The following BUB3 variants were observed in gnomAD, a reference collection of about 807,000 sequenced individuals.
BUB3 encodes mitotic checkpoint protein BUB3.
A neutral mutation model predicts 39.9 loss-of-function variants in BUB3; 22 were observed. That is an observed-to-expected ratio of 0.55 (90% CI 0.39 to 0.79). The LOEUF (loss-of-function observed/expected upper bound fraction) is 0.79, where lower values mean the gene tolerates loss of function less well. BUB3 is among the 30% of genes least tolerant of loss of function. The probability of loss-of-function intolerance (pLI) is 0.00; values close to 1 mark genes in which losing one functional copy is unlikely to be tolerated. For synonymous variants in BUB3, 168 were observed against 155.1 expected (o/e 1.08, Z -0.62); for missense variants, 303 against 415.4 (o/e 0.73, Z 2.35).
rs1428766142 is a variant in BUB3 at position 123,169,085 on chromosome 10, CAT to C, written c.*5251_*5252del. 2.0e-5 allele frequency: 3 copies of C among 152,392 alleles called. No homozygotes were observed. The highest frequency in any genetic ancestry group is 7.2e-5 in the African/African-American group (3 of 41,586). 9.4% of individuals were successfully genotyped at this position (152,392 alleles called of 1,614,324 possible). ...ACTTCAAATTTGCACCCCCAGGTAT[CAT>C]GTGGGCAGGTGCTCCATGTGGCTGG... On this transcript the variant is annotated 3_prime_UTR_variant, in exon 8 of 8. Transcript: ENST00000368865.
Position 123,164,642 on chromosome 10 carries a change from A to G in BUB3, c.*807A>G. The G allele has an allele frequency of 1.0e-6, 1 of 994,520 alleles. No homozygotes were observed. Among genetic ancestry groups the G allele is most frequent in the Non-Finnish European group, 1.2e-6 (1 of 835,900 alleles). The allele number at this position is 994,520 out of a possible 1,614,324, so 61.6% of individuals were successfully genotyped here. ...TTGGACCTGTTTCTATCTCTAAATG[A>G]ATTTTTGGAAACATTAATGAGGTTT... On this transcript the variant is annotated 3_prime_UTR_variant, in exon 8 of 8. Coordinates refer to ENST00000368865, the MANE Select transcript of BUB3 (RefSeq NM_004725.4).
chr10:123,162,370 C>G lies in BUB3; in HGVS notation c.711C>G (p.Val237=), dbSNP rs746083213. 1 of 1,613,978 alleles carries G rather than the reference C, an allele frequency of 6.2e-7. No individual in the cohort carries two copies. The highest frequency in any genetic ancestry group is 8.5e-7 in the Non-Finnish European group (1 of 1,180,014). The change falls in exon 6 of 8, where the codon GTC becomes GTG. Residue 237 remains valine, a synonymous_variant. Transcript: ENST00000368865. ...KENNIEQIYP[V]NAISFHNIHN... is the part of the protein sequence containing the mutation. ...ATAATATTGAGCAGATTTACCCAGT[C>G]AATGCCATTTCTTTTCACAATATCC...
In BUB3 at chr10:123,167,913, T is replaced by C. The variant is rs1844509886; in HGVS notation, c.*4078T>C. 6.6e-6 allele frequency: 1 copy of C among 152,200 alleles called. No homozygotes were observed. The highest frequency in any genetic ancestry group is 2.4e-5 in the African/African-American group (1 of 41,462). The allele number at this position is 152,200 out of a possible 1,614,324, so 9.4% of individuals were successfully genotyped here. On this transcript the variant is annotated 3_prime_UTR_variant, in exon 8 of 8. Transcript: ENST00000368865. ...ACCTTGTTAAATTGAGTTAAACAAA[T>C]TTACAAGTTGACAAATTACATTTAC...
chr10:123,158,488 C>T (rs141600254), intron 4 of BUB3, among the ~76,000 whole-genome samples: 95 of 152,238 alleles, frequency 6.2e-4, no homozygotes, highest in African/African-American at 1.7e-3. Context: ...TTGAGCTTTC[C>T]TTCTGTATCC....
In BUB3 at chr10:123,160,496, C is replaced by T. The variant is rs149115555; in HGVS notation, c.507C>T (p.Tyr169=). The part of the protein sequence containing the change: ...VLVWDLRNMG[Y]VQQRRESSLK... ...TGTGGGACTTACGGAACATGGGTTA[C>T]GTGCAGCAGCGCAGGGAGTCCAGCC... The change falls in exon 5 of 8, where the codon TAC becomes TAT. Residue 169 remains tyrosine, a synonymous_variant. Coordinates refer to ENST00000368865, the MANE Select transcript of BUB3 (RefSeq NM_004725.4). 7.6e-5 allele frequency: 123 copies of T among 1,613,146 alleles called. No individual in the cohort carries two copies. The highest frequency in any genetic ancestry group is 1.7e-4 in the African/African-American group (13 of 74,876).
Position 123,167,784 on chromosome 10 carries a change from G to A in BUB3, c.*3949G>A, listed in dbSNP as rs1367389725. The A allele has an allele frequency of 6.6e-6, 1 of 152,098 alleles. No homozygotes were observed. The highest frequency in any genetic ancestry group is 1.5e-5 in the Non-Finnish European group (1 of 68,032). The allele number at this position is 152,098 out of a possible 1,614,324, so 9.4% of individuals were successfully genotyped here. ...CTTAAAAATTTCTTTATAGCTTCATGGAGGTATTTGATGAAAATTGTATAT... is the reference window on the plus strand; with the variant it reads ...CTTAAAAATTTCTTTATAGCTTCATAGAGGTATTTGATGAAAATTGTATAT... On this transcript the variant is annotated 3_prime_UTR_variant, in exon 8 of 8. Coordinates refer to ENST00000368865, the MANE Select transcript of BUB3 (RefSeq NM_004725.4).
chr10:123,163,145 A>C, intron 7 of BUB3: 1 of 283,130 alleles, frequency 3.5e-6, no homozygotes, highest in South Asian at 5.2e-5. Flanking sequence ...ATTCAAGAAT[A>C]ATTTATTTTA....
In BUB3 at chr10:123,169,452, C is replaced by T. The variant is rs750967656; in HGVS notation, c.*5617C>T. 20 of 152,236 alleles carry T rather than the reference C, an allele frequency of 1.3e-4. No homozygotes were observed. Among genetic ancestry groups the T allele is most frequent in the Admixed American group, 3.3e-4 (5 of 15,280 alleles). 9.4% of individuals were successfully genotyped at this position (152,236 alleles called of 1,614,324 possible). A position where few individuals can be genotyped will look rare whatever the true frequency, so the allele number is the denominator to read the frequency against. ...TGTGACAGATGCTGTGATACCACAA[C>T]GTGGCCACATTTTGTTTTCAAGACC... On this transcript the variant is annotated 3_prime_UTR_variant, in exon 8 of 8. Coordinates refer to ENST00000368865, the MANE Select transcript of BUB3 (RefSeq NM_004725.4).
In BUB3 at chr10:123,169,308, G is replaced by C. The variant is rs890950609; in HGVS notation, c.*5473G>C. 25 of 152,168 alleles carry C rather than the reference G, an allele frequency of 1.6e-4. No individual in the cohort carries two copies. The highest frequency in any genetic ancestry group is 6.0e-4 in the African/African-American group (25 of 41,438). The allele number at this position is 152,168 out of a possible 1,614,324, so 9.4% of individuals were successfully genotyped here. ...CTTCATGCACTTAATATGAAATTTT[G>C]CCCATGATTTATTTTTTACCTTATT... On this transcript the variant is annotated 3_prime_UTR_variant, in exon 8 of 8. Coordinates refer to ENST00000368865, the MANE Select transcript of BUB3 (RefSeq NM_004725.4).
At position 123,166,131 on chromosome 10, in the gene BUB3, T is replaced by A. The variant is rs532858660; in HGVS notation, c.*2296T>A. 6.6e-6 allele frequency: 1 copy of A among 152,300 alleles called. No homozygotes were observed. Among genetic ancestry groups the A allele is most frequent in the African/African-American group, 2.4e-5 (1 of 41,554 alleles). The allele number at this position is 152,300 out of a possible 1,614,324, so 9.4% of individuals were successfully genotyped here. ...CAATTTACTTGTTTATGGTTATAGC[T>A]ACCTTTTCCCCAAGTTACCCAGGTG... On this transcript the variant is annotated 3_prime_UTR_variant, in exon 8 of 8. Transcript: ENST00000368865.
Position 123,168,863 on chromosome 10 carries a change from T to G in BUB3, c.*5028T>G, listed in dbSNP as rs1844521078. 1.3e-5 allele frequency: 2 copies of G among 152,240 alleles called. No homozygotes were observed. The highest frequency in any genetic ancestry group is 2.9e-5 in the Non-Finnish European group (2 of 68,054). 9.4% of individuals were successfully genotyped at this position (152,240 alleles called of 1,614,324 possible). A position where few individuals can be genotyped will look rare whatever the true frequency, so the allele number is the denominator to read the frequency against. ...CACTGCACCCAGCTGTGACTTTTTT[T>G]TTTTTAAGCTCATCAGCTATTGTAT... is the stretch of plus-strand genomic sequence containing the variant. On this transcript the variant is annotated 3_prime_UTR_variant, in exon 8 of 8. Coordinates refer to ENST00000368865, the MANE Select transcript of BUB3 (RefSeq NM_004725.4).
Position 123,155,740 on chromosome 10 carries a change from T to C in BUB3, c.265+13T>C. On this transcript the variant is annotated intron_variant, in intron 3 of 7. Transcript: ENST00000368865. The stretch of plus-strand genomic sequence containing the variant: ...AACACTGATCAAGGTAATGTGACCA[T>C]ATCTTTACCAGTTTGTTTTCTTGGC... 1 of 1,611,988 alleles carries C rather than the reference T, an allele frequency of 6.2e-7. No homozygotes were observed. Among genetic ancestry groups the C allele is most frequent in the Non-Finnish European group, 8.5e-7 (1 of 1,178,034 alleles).
At position 123,162,714 on chromosome 10, in the gene BUB3, A is replaced by G. The variant is rs1419700438; in HGVS notation, c.857A>G (p.Asn286Ser). The change falls in exon 7 of 8, where the codon AAT becomes AGT. Residue 286 changes from asparagine to serine, a missense_variant. Asn to Ser is a conservative substitution (Grantham distance 46). Around this residue, in one of 2 missense-constraint regions of BUB3, gnomAD observed 182 missense variants for 293.1 expected, o/e 0.62. Coordinates refer to ENST00000368865, the MANE Select transcript of BUB3 (RefSeq NM_004725.4). The stretch of plus-strand genomic sequence containing the variant: ...AGCATCGCATCACTTGCCTTCAGTA[A>G]TGATGGGACTACGCTTGCAATAGCG... ...PTSIASLAFS[N>S]DGTTLAIASS... The G allele has an allele frequency of 2.5e-6, 4 of 1,613,560 alleles. No individual in the cohort carries two copies. The highest frequency in any genetic ancestry group is 3.4e-6 in the Non-Finnish European group (4 of 1,179,868).
chr10:123,164,783 G>T lies in BUB3; in HGVS notation c.*948G>T. 1.6e-6 allele frequency: 2 copies of T among 1,223,824 alleles called. No homozygotes were observed. Among genetic ancestry groups the T allele is most frequent in the East Asian group, 3.4e-5 (1 of 29,608 alleles). 75.8% of individuals were successfully genotyped at this position (1,223,824 alleles called of 1,614,324 possible). On this transcript the variant is annotated 3_prime_UTR_variant, in exon 8 of 8. Transcript: ENST00000368865. Reference sequence around the variant, plus strand: ...AGAATGAGATTCATTTCAATGTAATGCACTAAAGCAGAACACGAACTTAGC... The same window carrying T: ...AGAATGAGATTCATTTCAATGTAATTCACTAAAGCAGAACACGAACTTAGC...
At position 123,166,666 on chromosome 10, in the gene BUB3, G is replaced by A. The variant is rs1844495898; in HGVS notation, c.*2831G>A. 6.6e-6 allele frequency: 1 copy of A among 152,192 alleles called. No individual in the cohort carries two copies. Among genetic ancestry groups the A allele is most frequent in the South Asian group, 2.1e-4 (1 of 4,832 alleles). 9.4% of individuals were successfully genotyped at this position (152,192 alleles called of 1,614,324 possible). A position where few individuals can be genotyped will look rare whatever the true frequency, so the allele number is the denominator to read the frequency against. ...TAGTCACCCTTCAGTGATTTCATAA[G>A]GAGGTGTGCTGCTTCCCAAGCTTCT... On this transcript the variant is annotated 3_prime_UTR_variant, in exon 8 of 8. Transcript: ENST00000368865.
Position 123,167,054 on chromosome 10 carries a change from CACT to C in BUB3, c.*3222_*3224del, listed in dbSNP as rs1844501484. 6.6e-6 allele frequency: 1 copy of C among 152,252 alleles called. No individual in the cohort carries two copies. The highest frequency in any genetic ancestry group is 1.5e-5 in the Non-Finnish European group (1 of 68,046). The allele number at this position is 152,252 out of a possible 1,614,324, so 9.4% of individuals were successfully genotyped here. A position where few individuals can be genotyped will look rare whatever the true frequency, so the allele number is the denominator to read the frequency against. On this transcript the variant is annotated 3_prime_UTR_variant, in exon 8 of 8. Coordinates refer to ENST00000368865, the MANE Select transcript of BUB3 (RefSeq NM_004725.4). ...ACATTAGCCTACTGAGAGCTTAGAT[CACT>C]ACAACGAATCCTTGTAAATTTGTTT...
chr10:123,155,908 A>G (rs1844343146), intron 3 of BUB3, among the ~76,000 whole-genome samples, 181 bp downstream of exon 3: 1 of 152,212 alleles, frequency 6.6e-6, no homozygotes, highest in Admixed American at 6.5e-5. Flanking sequence ...ACAGAATATT[A>G]TGCATGTATT....
chr10:123,161,801 G>A (rs1041791432), intron 5 of BUB3, among the ~76,000 whole-genome samples: 52 of 152,208 alleles, frequency 3.4e-4, no homozygotes, highest in African/African-American at 1.2e-3. Context: ...TGGAAGACTG[G>A]TGTTCTAGTT....
In BUB3 at chr10:123,169,180, G is replaced by A. The variant is rs1221036202; in HGVS notation, c.*5345G>A. 1 of 152,258 alleles carries A rather than the reference G, an allele frequency of 6.6e-6. No homozygotes were observed. Among genetic ancestry groups the A allele is most frequent in the Non-Finnish European group, 1.5e-5 (1 of 68,050 alleles). 9.4% of individuals were successfully genotyped at this position (152,258 alleles called of 1,614,324 possible). ...GCTGTTCCAGAGCGAGAGGCTGCAG[G>A]TGTCCACTTACGTACCTGTGGCTAA... On this transcript the variant is annotated 3_prime_UTR_variant, in exon 8 of 8. Coordinates refer to ENST00000368865, the MANE Select transcript of BUB3 (RefSeq NM_004725.4).
Sources: gnomAD v4.1 joint callset for allele counts (sites outside exome capture counted in the v4.1 genomes callset) on GRCh38, gnomAD v4.1.1 for gene constraint, gnomAD v4.1.1 regional missense constraint, MANE v1.5 for transcripts, NCBI Gene and HGNC (gene_info 2026-07-23, HGNC 2026-07-21) for gene names.